Variants in ASIC2 observed in about 807,000 individuals in gnomAD.
ASIC2 encodes the protein acid-sensing ion channel 2.
A neutral mutation model predicts 57.3 loss-of-function variants in ASIC2; 25 were observed. The ratio of observed to expected loss-of-function variants is 0.44; its 90% CI spans 0.32 to 0.61. The LOEUF (loss-of-function observed/expected upper bound fraction) is 0.61, where lower values mean the gene tolerates loss of function less well. ASIC2 is among the 20% of genes least tolerant of loss of function. ASIC2 has a pLI of 0.06. For missense variants in ASIC2, 641 were observed against 738.1 expected, an observed-to-expected ratio of 0.87 and a Z score of 1.52; for synonymous variants, 319 against 307.5, an observed-to-expected ratio of 1.04 and a Z score of -0.39.
chr17:33,084,333 G>A (rs2092125842), intron 3 of ASIC2, among the ~76,000 whole-genome samples: 1 of 152,232 alleles, frequency 6.6e-6, no homozygotes, highest in Non-Finnish European at 1.5e-5. Context: ...GTTCTCCACA[G>A]TACTGAGTAG....
At chr17:34,002,541 C>T (rs1397627906) in intron 1 of ASIC2, 1 of 152,218 alleles carries the variant, frequency 6.6e-6, no homozygotes, top group Non-Finnish European at 1.5e-5. Flanking sequence ...GAACCACTAG[C>T]ACCAGCAGGA....
chr17:34,141,803 T>C (rs1392048561), intron 1 of ASIC2, among the ~76,000 whole-genome samples: 1 of 152,136 alleles, frequency 6.6e-6, no homozygotes, highest in African/African-American at 2.4e-5. Flanking sequence ...CCTGAAACAG[T>C]GTTCTGCATG....
intron 1 of ASIC2, among the ~76,000 whole-genome samples, chr17:33,692,942 A>G (rs6505368): frequency 0.024 from 3,696 of 152,282 alleles, 137 homozygotes; most frequent in African/African-American, 0.085. Context: ...AATCAATCGC[A>G]TATTTTAAAT....
At chr17:34,049,157 C>T (rs1242641407) in intron 1 of ASIC2, among the ~76,000 whole-genome samples, 5 of 151,808 alleles carry the variant, frequency 3.3e-5, no homozygotes, top group Admixed American at 2.0e-4. Flanking sequence ...CCAAGTGTGG[C>T]GGTGCATGCC....
At chr17:34,095,631 T>TTTTATATATATA (rs1910498209) in intron 1 of ASIC2, among the ~76,000 whole-genome samples, 1 of 79,550 alleles carries the variant, frequency 1.3e-5, no homozygotes, top group East Asian at 2.7e-4. Flanking sequence ...ATATATATAA[T>TTTTATATATATA]TTTATATATA....
At chr17:33,182,305 C>A (rs1906018507) in intron 1 of ASIC2, among the ~76,000 whole-genome samples, 1 of 152,092 alleles carries the variant, frequency 6.6e-6, no homozygotes, top group Admixed American at 6.5e-5. Flanking sequence ...ACCTGAGCAC[C>A]TGGAAAGCTG....
At chr17:33,982,462 A>G (rs1384020934) in intron 1 of ASIC2, among the ~76,000 whole-genome samples, 2 of 152,140 alleles carry the variant, frequency 1.3e-5, no homozygotes, top group Non-Finnish European at 2.9e-5. Flanking sequence ...TTAGCTCCTG[A>G]AGGAGACAGA....
intron 1 of ASIC2, among the ~76,000 whole-genome samples, chr17:33,262,096 C>T (rs536956794): frequency 5.3e-5 from 8 of 152,320 alleles, no homozygotes; most frequent in Admixed American, 1.3e-4. Context: ...AGTCTGTGCT[C>T]GGCGCCATGT....
chr17:34,070,964 A>C (rs1425480507), intron 1 of ASIC2: 2 of 152,280 alleles, frequency 1.3e-5, no homozygotes, highest in East Asian at 3.9e-4. Flanking sequence ...CTCGTAGTCC[A>C]AAACATGCCC....
intron 1 of ASIC2, chr17:33,131,777 G>T (rs117634026): frequency 6.6e-6 from 1 of 152,234 alleles, no homozygotes; most frequent in African/African-American, 2.4e-5. Flanking sequence ...TTCCCTGGCC[G>T]GCTCAGGCTA....
chr17:33,304,384 G>A (rs1906084488), intron 1 of ASIC2, among the ~76,000 whole-genome samples: 1 of 152,162 alleles, frequency 6.6e-6, no homozygotes, highest in Admixed American at 6.5e-5. Context: ...CAAAATCCAA[G>A]CAAGCTTACC....
chr17:34,112,647 A>C, intron 1 of ASIC2, among the ~76,000 whole-genome samples: 1 of 152,152 alleles, frequency 6.6e-6, no homozygotes, highest in East Asian at 1.9e-4. Context: ...TCTGCAGTGA[A>C]GCCAGCATGT....
At chr17:33,853,236 G>C (rs1261802040) in intron 1 of ASIC2, among the ~76,000 whole-genome samples, 1 of 152,172 alleles carries the variant, frequency 6.6e-6, no homozygotes, top group Non-Finnish European at 1.5e-5. Context: ...AGGAGGGAGA[G>C]GGGAGGTGGG....
chr17:33,929,716 A>G (rs1165389501), intron 1 of ASIC2, among the ~76,000 whole-genome samples: 1 of 152,126 alleles, frequency 6.6e-6, no homozygotes, highest in African/African-American at 2.4e-5. Flanking sequence ...CTATTAATTC[A>G]TTGTGAATCC....
chr17:34,147,064 T>C (rs553529057), intron 1 of ASIC2: 2 of 152,302 alleles, frequency 1.3e-5, no homozygotes, highest in Middle Eastern at 3.4e-3. Context: ...AATAGATAAA[T>C]AGATCTGGTG....
chr17:33,403,693 A>G (rs949916564), intron 1 of ASIC2, among the ~76,000 whole-genome samples: 8 of 152,358 alleles, frequency 5.3e-5, no homozygotes, highest in Admixed American at 5.2e-4. Flanking sequence ...CAGGGAAGAA[A>G]CCAGCCTTCC....
At chr17:33,503,404 GGTAAGTCCTCT>G (rs1914157882) in intron 1 of ASIC2, among the ~76,000 whole-genome samples, 1 of 152,118 alleles carries the variant, frequency 6.6e-6, no homozygotes, top group Non-Finnish European at 1.5e-5. Flanking sequence ...CCTGATGTCA[GGTAAGTCCTCT>G]CTTATTCCTC....
At chr17:33,343,012 G>A (rs771135408) in intron 1 of ASIC2, among the ~76,000 whole-genome samples, 2 of 152,204 alleles carry the variant, frequency 1.3e-5, no homozygotes, top group Non-Finnish European at 2.9e-5. Context: ...GCTGAGGTCA[G>A]CATTCAGAAG....
At chr17:33,390,686 G>A (rs1909857255) in intron 1 of ASIC2, among the ~76,000 whole-genome samples, 1 of 152,170 alleles carries the variant, frequency 6.6e-6, no homozygotes, top group South Asian at 2.1e-4. Flanking sequence ...CAAGTCCTCT[G>A]CCGCTAGGAC....
Sources: allele counts gnomAD v4.1 joint callset (sites outside exome capture counted in the v4.1 genomes callset), GRCh38; gene constraint gnomAD v4.1.1; transcripts MANE v1.5; gene names NCBI Gene and HGNC (gene_info 2026-07-23, HGNC 2026-07-21).